BBS9: variants seen among roughly 807,000 people sequenced by gnomAD.
BBS9 encodes protein PTHB1.
Under a neutral mutation model 117.7 loss-of-function variants are expected in BBS9, and 89 were observed. The ratio of observed to expected loss-of-function variants is 0.76; its 90% CI spans 0.64 to 0.90. BBS9 has a LOEUF of 0.90. Ranked by LOEUF, BBS9 falls within the 40% of genes least tolerant of loss-of-function variation. The pLI is 0.00. For missense variants in BBS9, 982 were observed against 1,042.2 expected, an observed-to-expected ratio of 0.94 and a Z score of 0.80; for synonymous variants, 379 against 370.9, an observed-to-expected ratio of 1.02 and a Z score of -0.25.
chr7:33,207,482 T>C (rs1320990875), intron 5 of BBS9, among the ~76,000 whole-genome samples: 2 of 152,314 alleles, frequency 1.3e-5, no homozygotes, highest in African/African-American at 4.8e-5. Context: ...TTGTCCCAGA[T>C]TTGGCCAGTG....
chr7:33,478,246 T>C lies in BBS9; in HGVS notation c.2116-27217T>C, dbSNP rs536800958. On this transcript the variant is annotated intron_variant, in intron 19 of 22. Coordinates refer to ENST00000242067, the MANE Select transcript of BBS9 (RefSeq NM_198428.3). ...GGGCTCTTTCCTCTAGAAAAATGCA[T>C]AAAAACATGCAAAATGTTAGTTTCA... is the stretch of plus-strand genomic sequence containing the variant. Among the ~76,000 whole-genome samples, 105 of 152,258 alleles carry C rather than the reference T, an allele frequency of 6.9e-4. 1 individual carries two copies. Among genetic ancestry groups the C allele is most frequent in the Non-Finnish European group, 1.8e-4 (12 of 68,008 alleles).
At chr7:33,623,365 A>G (rs1865499673) in intron 21 of BBS9, among the ~76,000 whole-genome samples, 1 of 152,184 alleles carries the variant, frequency 6.6e-6, no homozygotes. Flanking sequence ...ATAGGAGAAA[A>G]AGGAGAAGTC....
At chr7:33,540,170 G>A (rs549698885) in intron 21 of BBS9, among the ~76,000 whole-genome samples, 3 of 152,290 alleles carry the variant, frequency 2.0e-5, no homozygotes, top group Non-Finnish European at 2.9e-5. Flanking sequence ...ACGTTTCAAA[G>A]CAATGAGGAG....
chr7:33,441,569 A>G (rs1031352611), intron 19 of BBS9, among the ~76,000 whole-genome samples: 2 of 152,112 alleles, frequency 1.3e-5, no homozygotes, highest in African/African-American at 4.8e-5. Context: ...GTTCTTTCTG[A>G]GATCTTGAGC....
At position 33,273,042 on chromosome 7, in the gene BBS9, G is replaced by A; in HGVS notation, c.733G>A (p.Ala245Thr). ...VDWTLNIGEQ[A>T]LDICIVSFNQ... The stretch of plus-strand genomic sequence containing the variant: ...TTGGACTCTAAATATTGGAGAGCAA[G>A]CCCTTGACATATGTATTGTCTCTTT... The change falls in exon 8 of 23, where the codon GCC becomes ACC. Residue 245 changes from alanine to threonine, a missense_variant. Coordinates refer to ENST00000242067, the MANE Select transcript of BBS9 (RefSeq NM_198428.3). The A allele has an allele frequency of 6.2e-7, 1 of 1,613,654 alleles. No homozygotes were observed. The highest frequency in any genetic ancestry group is 8.5e-7 in the Non-Finnish European group (1 of 1,179,734).
chr7:33,161,257 C>T (rs1256056212), intron 4 of BBS9, among the ~76,000 whole-genome samples: 1 of 152,102 alleles, frequency 6.6e-6, no homozygotes, highest in East Asian at 1.9e-4. Context: ...TCTTCTAATG[C>T]TATCCCTGCC....
chr7:33,525,849 G>A (rs1323878930), intron 20 of BBS9, among the ~76,000 whole-genome samples: 1 of 150,182 alleles, frequency 6.7e-6, no homozygotes, highest in Non-Finnish European at 1.5e-5. Context: ...AGTCTCGATG[G>A]TCTTTACATT....
At chr7:33,397,918 G>A (rs1584653757) in intron 19 of BBS9, among the ~76,000 whole-genome samples, 1 of 151,974 alleles carries the variant, frequency 6.6e-6, no homozygotes, top group East Asian at 1.9e-4. Context: ...AACCACTGTG[G>A]CACATGTTTA....
At chr7:33,250,968 G>T (rs1468209464) in intron 5 of BBS9, among the ~76,000 whole-genome samples, 2 of 152,188 alleles carry the variant, frequency 1.3e-5, no homozygotes. Context: ...CAGGGGCTCT[G>T]TGGGATCTCA....
At chr7:33,450,461 T>A (rs992792245) in intron 19 of BBS9, among the ~76,000 whole-genome samples, 1 of 152,224 alleles carries the variant, frequency 6.6e-6, no homozygotes, top group African/African-American at 2.4e-5. Flanking sequence ...CTGTTTTTCA[T>A]AGCAGTTGCA....
intron 21 of BBS9, among the ~76,000 whole-genome samples, chr7:33,625,271 T>A (rs1159598796): frequency 6.6e-6 from 1 of 152,092 alleles, no homozygotes; most frequent in Non-Finnish European, 1.5e-5. Flanking sequence ...TTGTACAGGT[T>A]TATAAATAAT....
intron 20 of BBS9, among the ~76,000 whole-genome samples, chr7:33,513,450 A>G (rs149370746): frequency 6.6e-6 from 1 of 152,280 alleles, no homozygotes; most frequent in East Asian, 1.9e-4. Flanking sequence ...AAGCAATTAA[A>G]CATATAGTTG....
intron 17 of BBS9, among the ~76,000 whole-genome samples, chr7:33,371,471 T>A (rs756988847): frequency 3.5e-4 from 54 of 152,164 alleles, no homozygotes; most frequent in Non-Finnish European, 6.6e-4. Context: ...ATTTTGTTTT[T>A]AAATGAGCAA....
chr7:33,422,867 C>T (rs1563155916), intron 19 of BBS9, among the ~76,000 whole-genome samples: 1 of 152,142 alleles, frequency 6.6e-6, no homozygotes, highest in East Asian at 1.9e-4. Flanking sequence ...GCCTTTTCCT[C>T]CTAAAGTGCT....
intron 17 of BBS9, among the ~76,000 whole-genome samples, chr7:33,370,575 G>C (rs188115953): frequency 2.4e-4 from 37 of 152,328 alleles, no homozygotes; most frequent in African/African-American, 7.9e-4. Flanking sequence ...CTACTTTTGT[G>C]AGATCAAATG....
At chr7:33,322,308 T>TA (rs1291715435) in intron 9 of BBS9, among the ~76,000 whole-genome samples, 11 of 151,254 alleles carry the variant, frequency 7.3e-5, no homozygotes, top group Non-Finnish European at 1.5e-4. Context: ...TGTTAGTTTT[T>TA]AAAAAAATAT....
intron 2 of BBS9, among the ~76,000 whole-genome samples, chr7:33,149,969 G>C (rs1793039531): frequency 1.3e-4 from 20 of 152,112 alleles, no homozygotes. Context: ...AGGATACATG[G>C]GAAGCTCAGC....
At chr7:33,426,713 T>C (rs1833711302) in intron 19 of BBS9, among the ~76,000 whole-genome samples, 1 of 152,166 alleles carries the variant, frequency 6.6e-6, no homozygotes, top group Non-Finnish European at 1.5e-5. Context: ...TACTATTTCC[T>C]TAATTTAACT....
chr7:33,459,640 T>C (rs1459260277), intron 19 of BBS9, among the ~76,000 whole-genome samples: 3 of 152,162 alleles, frequency 2.0e-5, no homozygotes, highest in Non-Finnish European at 4.4e-5. Context: ...GAGCACTTCC[T>C]TACTCTCTGG....
Sources: gnomAD v4.1 joint callset for allele counts (sites outside exome capture counted in the v4.1 genomes callset) on GRCh38, gnomAD v4.1.1 for gene constraint, MANE v1.5 for transcripts, NCBI Gene and HGNC (gene_info 2026-07-23, HGNC 2026-07-21) for gene names.